The following CDKAL1 variants were observed in gnomAD, a reference collection of about 807,000 sequenced individuals.
CDKAL1 encodes the protein CDKAL1 threonylcarbamoyladenosine tRNA methylthiotransferase, also known as threonylcarbamoyladenosine tRNA methylthiotransferase.
CDKAL1 carries 32 observed loss-of-function variants against 68.2 expected under a neutral mutation model. That is an observed-to-expected ratio of 0.47 (90% CI 0.35 to 0.63). The LOEUF is 0.63. Ranked by LOEUF, CDKAL1 falls within the 30% of genes least tolerant of loss-of-function variation. The pLI, the probability that CDKAL1 is intolerant of heterozygous loss-of-function variation, is 0.00. For missense variants in CDKAL1, 606 were observed against 696.7 expected, an observed-to-expected ratio of 0.87 and a Z score of 1.47; for synonymous variants, 234 against 244.3, an observed-to-expected ratio of 0.96 and a Z score of 0.39.
chr6:20,863,609 G>T (rs1407682371), intron 9 of CDKAL1, among the ~76,000 whole-genome samples: 1 of 152,186 alleles, frequency 6.6e-6, no homozygotes, highest in African/African-American at 2.4e-5. Context: ...GATTTTGAAG[G>T]AATACCCAAC....
At chr6:20,593,061 T>G (rs927965624) in intron 4 of CDKAL1, among the ~76,000 whole-genome samples, 16 of 152,308 alleles carry the variant, frequency 1.1e-4, no homozygotes, top group African/African-American at 3.6e-4. Flanking sequence ...TGCTGCTGGT[T>G]TTGGTTTGCC....
chr6:21,219,198 C>T lies in CDKAL1; in HGVS notation c.1549-11650C>T, dbSNP rs141495511. On this transcript the variant is annotated intron_variant, in intron 15 of 15. Coordinates refer to ENST00000274695, the MANE Select transcript of CDKAL1 (RefSeq NM_017774.3). Reference sequence around the variant, plus strand: ...TCTGTGGGGGATTGGTTCCAGGACCCCCGATGGGTACCAAAATTCATGGAT... The same window carrying T: ...TCTGTGGGGGATTGGTTCCAGGACCTCCGATGGGTACCAAAATTCATGGAT... Among the ~76,000 whole-genome samples the T allele has an allele frequency of 1.9e-3, 296 of 152,122 alleles. 2 individuals are homozygous for T. Among genetic ancestry groups the T allele is most frequent in the African/African-American group, 6.6e-3 (274 of 41,490 alleles).
chr6:20,796,426 T>G (rs961992513), intron 8 of CDKAL1, among the ~76,000 whole-genome samples: 1 of 152,202 alleles, frequency 6.6e-6, no homozygotes, highest in African/African-American at 2.4e-5. Context: ...GATGTATAGA[T>G]TTAAAGTAAT....
chr6:20,546,033 C>A (rs185954847), intron 2 of CDKAL1, among the ~76,000 whole-genome samples: 123 of 152,268 alleles, frequency 8.1e-4, no homozygotes, highest in Admixed American at 1.8e-3. Context: ...TTTTACGCTT[C>A]CTGTTATCTG....
chr6:20,853,391 C>CAAA (rs763959365), intron 9 of CDKAL1, among the ~76,000 whole-genome samples: 3 of 55,446 alleles, frequency 5.4e-5, no homozygotes, highest in Non-Finnish European at 1.3e-4. Context: ...AAAAACAAAA[C>CAAA]AAAAAAAAAA....
chr6:20,585,125 C>T (rs1284313938), intron 4 of CDKAL1, among the ~76,000 whole-genome samples: 3 of 147,262 alleles, frequency 2.0e-5, no homozygotes, highest in African/African-American at 7.6e-5. Context: ...GACATGATCT[C>T]GGCTCACTGC....
chr6:20,905,259 GA>G (rs1762181646), intron 9 of CDKAL1, among the ~76,000 whole-genome samples: 1 of 152,148 alleles, frequency 6.6e-6, no homozygotes, highest in Non-Finnish European at 1.5e-5. Context: ...AACCTATCAA[GA>G]AGCCGAAAAT....
rs189939560 is a variant in CDKAL1, at chr6:20,862,667, G to A, written c.742+16489G>A. On this transcript the variant is annotated intron_variant, in intron 9 of 15. Transcript: ENST00000274695. ...TGTGTGTGTGTGTGTGTGTGTGCGC[G>A]CGTGCATGCGCGCGTGCGCATATAC... Among the ~76,000 whole-genome samples, 543 of 151,724 alleles carry A rather than the reference G, an allele frequency of 3.6e-3. 1 individual carries two copies. Among genetic ancestry groups the A allele is most frequent in the Non-Finnish European group, 5.6e-3 (378 of 67,936 alleles).
At chr6:20,983,761 A>G (rs1450664675) in intron 10 of CDKAL1, among the ~76,000 whole-genome samples, 1 of 152,168 alleles carries the variant, frequency 6.6e-6, no homozygotes, top group African/African-American at 2.4e-5. Flanking sequence ...ATCAGAGACT[A>G]TGTATAATAT....
chr6:20,858,431 C>A (rs889732082), intron 9 of CDKAL1, among the ~76,000 whole-genome samples: 9 of 152,034 alleles, frequency 5.9e-5, no homozygotes, highest in Non-Finnish European at 1.3e-4. Flanking sequence ...GGACCTTGAA[C>A]TTCCTTATCC....
intron 9 of CDKAL1, among the ~76,000 whole-genome samples, chr6:20,930,011 A>G (rs1338605753): frequency 1.3e-5 from 2 of 152,182 alleles, no homozygotes; most frequent in Non-Finnish European, 2.9e-5. Context: ...TTACAAGAAC[A>G]TTTCTTTATC....
intron 8 of CDKAL1, among the ~76,000 whole-genome samples, chr6:20,832,435 G>C (rs550363426): frequency 2.0e-5 from 3 of 150,998 alleles, no homozygotes; most frequent in Admixed American, 6.6e-5. Flanking sequence ...AAAGCAATTT[G>C]TTAGCCTGGT....
At chr6:20,609,264 C>CTTCTTCCTCCTTCCTTCTTCCTCCTCCTT (rs1554162612) in intron 4 of CDKAL1, among the ~76,000 whole-genome samples, 1 of 79,940 alleles carries the variant, frequency 1.3e-5, no homozygotes, top group African/African-American at 5.0e-5. Flanking sequence ...CTCCTTCCTT[C>CTTCTTCCTCCTTCCTTCTTCCTCCTCCTT]CTCCTCCTTC....
intron 13 of CDKAL1, among the ~76,000 whole-genome samples, chr6:21,119,566 T>A (rs1471902851): frequency 2.0e-5 from 3 of 152,212 alleles, no homozygotes; most frequent in Non-Finnish European, 4.4e-5. Context: ...CAGCAGGGTG[T>A]GTGTAGAAAT....
intron 9 of CDKAL1, among the ~76,000 whole-genome samples, chr6:20,944,671 A>G (rs907214875): frequency 6.6e-6 from 1 of 152,222 alleles, no homozygotes; most frequent in African/African-American, 2.4e-5. Flanking sequence ...TGTTATCATC[A>G]GTACGGTCAG....
intron 13 of CDKAL1, among the ~76,000 whole-genome samples, chr6:21,144,150 A>G (rs1339632950): frequency 6.6e-6 from 1 of 152,226 alleles, no homozygotes; most frequent in Non-Finnish European, 1.5e-5. Flanking sequence ...TCTACAAAGT[A>G]CTTTACCTAT....
At chr6:20,904,228 T>G (rs1430608298) in intron 9 of CDKAL1, among the ~76,000 whole-genome samples, 1 of 152,108 alleles carries the variant, frequency 6.6e-6, no homozygotes, top group Non-Finnish European at 1.5e-5. Context: ...GATGTGAGTT[T>G]CAGGGAATTT....
At chr6:20,922,943 A>C (rs1175293142) in intron 9 of CDKAL1, among the ~76,000 whole-genome samples, 4 of 152,248 alleles carry the variant, frequency 2.6e-5, no homozygotes, top group Non-Finnish European at 5.9e-5. Flanking sequence ...TTTATTTAAG[A>C]ATTAGTCATA....
chr6:20,851,096 C>T (rs1413274896), intron 9 of CDKAL1, among the ~76,000 whole-genome samples: 6 of 151,394 alleles, frequency 4.0e-5, no homozygotes, highest in African/African-American at 1.2e-4. Flanking sequence ...TTTGAGGAGA[C>T]TGCTGCATGT....
Sources: allele counts gnomAD v4.1 joint callset (sites outside exome capture counted in the v4.1 genomes callset), GRCh38; gene constraint gnomAD v4.1.1; transcripts MANE v1.5; gene names NCBI Gene and HGNC (gene_info 2026-07-23, HGNC 2026-07-21).